The following PCDH15 variants were observed in gnomAD, a reference collection of about 807,000 sequenced individuals.
PCDH15 encodes protocadherin-15.
In PCDH15, 129 loss-of-function variants were observed where a neutral mutation model predicts 178.5. That is an observed-to-expected ratio of 0.72 (90% CI 0.63 to 0.84). The LOEUF (loss-of-function observed/expected upper bound fraction) is 0.84, where lower values mean the gene tolerates loss of function less well. PCDH15 is among the 40% of genes least tolerant of loss of function. PCDH15 has a pLI of 0.00. For missense variants in PCDH15, 2,230 were observed against 2,099.9 expected (o/e 1.06, Z -1.21); for synonymous variants, 800 against 732.0 (o/e 1.09, Z -1.50).
At chr10:54,996,868 T>C (rs1022576894) in intron 2 of PCDH15, among the ~76,000 whole-genome samples, 1 of 152,064 alleles carries the variant, frequency 6.6e-6, no homozygotes, top group African/African-American at 2.4e-5. Flanking sequence ...CCCAGCACTT[T>C]GGGAGCCCAA....
chr10:54,638,462 A>T (rs532175179), intron 2 of PCDH15, among the ~76,000 whole-genome samples: 55 of 152,204 alleles, frequency 3.6e-4, no homozygotes, highest in African/African-American at 1.2e-3. Context: ...ATATCTCATT[A>T]TACTCAGTTA....
At chr10:54,450,883 G>A (rs1489378902) in intron 3 of PCDH15, among the ~76,000 whole-genome samples, 1 of 151,820 alleles carries the variant, frequency 6.6e-6, no homozygotes, top group Non-Finnish European at 1.5e-5. Context: ...GCCAAAAGGT[G>A]TATTCCAAAG....
chr10:55,089,238 A>T (rs1021731202), intron 2 of PCDH15, among the ~76,000 whole-genome samples: 19 of 152,180 alleles, frequency 1.2e-4, no homozygotes, highest in Non-Finnish European at 2.6e-4. Context: ...CAATCATCGA[A>T]TCACAACTTG....
At chr10:53,859,682 T>A (rs987346352) in intron 27 of PCDH15, among the ~76,000 whole-genome samples, 1 of 151,760 alleles carries the variant, frequency 6.6e-6, no homozygotes, top group Non-Finnish European at 1.5e-5. Flanking sequence ...AAAAAAAAAA[T>A]GTTTCACATG....
intron 2 of PCDH15, among the ~76,000 whole-genome samples, chr10:55,430,713 T>C (rs570125375): frequency 6.6e-6 from 1 of 152,202 alleles, no homozygotes; most frequent in Non-Finnish European, 1.5e-5. Context: ...AATATTAAGA[T>C]ACTTAGAATT....
chr10:55,200,177 A>T (rs546804450), intron 1 of PCDH15, among the ~76,000 whole-genome samples: 1 of 152,268 alleles, frequency 6.6e-6, no homozygotes, highest in Admixed American at 6.5e-5. Context: ...TAGCTCATGA[A>T]AACATTCATG....
intron 8 of PCDH15, among the ~76,000 whole-genome samples, chr10:54,264,615 A>G (rs2057550066): frequency 6.6e-6 from 1 of 152,204 alleles, no homozygotes; most frequent in South Asian, 2.1e-4. Flanking sequence ...ATTTCGAAAT[A>G]CGGTTGGGAG....
intron 26 of PCDH15, among the ~76,000 whole-genome samples, chr10:53,890,222 TCGAGACCATCCTGGCTAATACGGTGAAA>T (rs2081459345): frequency 6.6e-6 from 1 of 152,174 alleles, no homozygotes; most frequent in African/African-American, 2.4e-5. Flanking sequence ...GGTCAGGAGA[TCGAGACCATCCTGGCTAATACGGTGAAA>T]CACCATCTCT....
At chr10:55,361,090 C>T (rs1420891266) in intron 2 of PCDH15, among the ~76,000 whole-genome samples, 1 of 151,882 alleles carries the variant, frequency 6.6e-6, no homozygotes, top group Non-Finnish European at 1.5e-5. Context: ...AAATAAGCCA[C>T]TCACAAAAGA....
rs115703072 is a variant in PCDH15 at position 55,046,948 on chromosome 10, T to C, written c.-80+119628A>G. Among the ~76,000 whole-genome samples, 949 of 152,032 alleles carry C rather than the reference T, an allele frequency of 6.2e-3. 11 individuals are homozygous for C. Among genetic ancestry groups the C allele is most frequent in the African/African-American group, 0.022 (909 of 41,568 alleles). On this transcript the variant is annotated intron_variant, in intron 2 of 5. Transcript: ENST00000458638. ...TTGAAAGCAAAAAGAAATGACTCTT[T>C]TAAAATTACATATTCATCTATATTC...
At chr10:54,082,515 G>A (rs1202897545) in intron 16 of PCDH15, among the ~76,000 whole-genome samples, 1 of 152,042 alleles carries the variant, frequency 6.6e-6, no homozygotes, top group Non-Finnish European at 1.5e-5. Flanking sequence ...TCAACAAACG[G>A]CACTGGAACA....
intron 1 of PCDH15, among the ~76,000 whole-genome samples, chr10:55,289,982 A>G (rs191405056): frequency 6.7e-6 from 1 of 150,252 alleles, no homozygotes; most frequent in East Asian, 1.9e-4. Context: ...CTCTTCTGTC[A>G]TAAGAAAACA....
chr10:55,499,662 G>C (rs1840611956), intron 2 of PCDH15, among the ~76,000 whole-genome samples: 1 of 151,570 alleles, frequency 6.6e-6, no homozygotes, highest in Non-Finnish European at 1.5e-5. Context: ...GTATTTGTAG[G>C]AAAGTAGCCT....
intron 8 of PCDH15, among the ~76,000 whole-genome samples, chr10:54,308,020 C>A (rs1256251579): frequency 3.3e-5 from 5 of 152,048 alleles, no homozygotes; most frequent in African/African-American, 1.2e-4. Context: ...AACCACATAT[C>A]TGAGCTATTA....
At chr10:54,520,717 T>C (rs561747310) in intron 3 of PCDH15, among the ~76,000 whole-genome samples, 2 of 151,536 alleles carry the variant, frequency 1.3e-5, no homozygotes, top group East Asian at 2.0e-4. Flanking sequence ...TTACTGGATA[T>C]ATACCCAAAG....
intron 8 of PCDH15, among the ~76,000 whole-genome samples, chr10:54,253,012 T>C (rs11004179): frequency 0.12 from 18,927 of 151,968 alleles, 2,553 homozygotes; most frequent in African/African-American, 0.34. Context: ...AAGGTATTGA[T>C]TGAATTATGG....
chr10:54,723,214 T>TGGAACAGA (rs1941932371), intron 1 of PCDH15, among the ~76,000 whole-genome samples: 1 of 151,398 alleles, frequency 6.6e-6, no homozygotes, highest in African/African-American at 2.4e-5. Context: ...CATAGATCAA[T>TGGAACAGA]GGAACAGAAA....
intron 2 of PCDH15, among the ~76,000 whole-genome samples, chr10:54,552,434 G>C (rs977521276): frequency 2.0e-5 from 3 of 152,048 alleles, no homozygotes; most frequent in Non-Finnish European, 4.4e-5. Flanking sequence ...TGTCAGTTCT[G>C]TCTCCAAAAC....
At chr10:54,208,553 A>G (rs2134054033) in intron 10 of PCDH15, among the ~76,000 whole-genome samples, 1 of 152,146 alleles carries the variant, frequency 6.6e-6, no homozygotes, top group East Asian at 1.9e-4. Flanking sequence ...TGAAGATACA[A>G]ACAGAATTTG....
Sources: allele counts gnomAD v4.1 joint callset (sites outside exome capture counted in the v4.1 genomes callset), GRCh38; gene constraint gnomAD v4.1.1; transcripts MANE v1.5; gene names NCBI Gene and HGNC (gene_info 2026-07-23, HGNC 2026-07-21).